Variants in AGBL4 observed in about 807,000 individuals in gnomAD.
AGBL4 encodes cytosolic carboxypeptidase 6.
Under a neutral mutation model 66.4 loss-of-function variants are expected in AGBL4, and 58 were observed. The observed-to-expected ratio is 0.87, with a 90% CI of 0.71 to 1.09. The LOEUF (loss-of-function observed/expected upper bound fraction) is 1.09. AGBL4 is among the 50% of genes least tolerant of loss of function. The probability of loss-of-function intolerance (pLI) is 0.00; values close to 1 mark genes in which losing one functional copy is unlikely to be tolerated. For missense variants in AGBL4, 579 were observed against 631.0 expected (o/e 0.92, Z 0.88); for synonymous variants, 234 against 222.9 (o/e 1.05, Z -0.44).
chr1:48,528,905 C>T (rs1178179360), downstream of AGBL4, among the ~76,000 whole-genome samples: 1 of 151,898 alleles, frequency 6.6e-6, no homozygotes, highest in African/African-American at 2.4e-5. Flanking sequence ...ATCTATTTCC[C>T]CCTTCTCTTT....
intron 1 of AGBL4, among the ~76,000 whole-genome samples, chr1:49,989,659 G>T (rs1659778660): frequency 6.6e-6 from 1 of 152,112 alleles, no homozygotes; most frequent in Admixed American, 6.6e-5. Flanking sequence ...ATTCTCCTTT[G>T]TTTTAAATCA....
At chr1:48,555,864 G>C (rs1197878579) in intron 11 of AGBL4, among the ~76,000 whole-genome samples, 2 of 152,158 alleles carry the variant, frequency 1.3e-5, no homozygotes, top group Non-Finnish European at 2.9e-5. Flanking sequence ...GCTGGCAGAG[G>C]TGACTGGACT....
intron 1 of AGBL4, among the ~76,000 whole-genome samples, chr1:49,862,859 T>C (rs1475052903): frequency 6.6e-6 from 1 of 152,094 alleles, no homozygotes; most frequent in African/African-American, 2.4e-5. Context: ...AAAGCTGAGG[T>C]ATTTCATCAA....
chr1:49,858,580 G>A (rs972597527), intron 1 of AGBL4, among the ~76,000 whole-genome samples: 2 of 151,950 alleles, frequency 1.3e-5, no homozygotes, highest in Admixed American at 6.6e-5. Context: ...GAGCTCGAGA[G>A]GCTATATTAA....
At chr1:49,201,654 C>CA (rs1352228056) in intron 4 of AGBL4, among the ~76,000 whole-genome samples, 1 of 152,012 alleles carries the variant, frequency 6.6e-6, no homozygotes, top group African/African-American at 2.4e-5. Flanking sequence ...CTTTAAAAAA[C>CA]AAAAATTAAA....
chr1:49,805,991 T>C (rs1327547810), intron 2 of AGBL4, among the ~76,000 whole-genome samples: 1 of 152,222 alleles, frequency 6.6e-6, no homozygotes, highest in Non-Finnish European at 1.5e-5. Flanking sequence ...ATGTTTGTAC[T>C]GATAATCAGG....
At chr1:49,223,237 A>G (rs1015249450) in intron 4 of AGBL4, among the ~76,000 whole-genome samples, 5 of 152,194 alleles carry the variant, frequency 3.3e-5, no homozygotes, top group African/African-American at 1.2e-4. Context: ...AAATACCAAG[A>G]TGGTAAGAGA....
At chr1:49,622,822 C>T (rs1446192123) in intron 3 of AGBL4, among the ~76,000 whole-genome samples, 1 of 152,060 alleles carries the variant, frequency 6.6e-6, no homozygotes, top group Non-Finnish European at 1.5e-5. Context: ...ATATTTTGTG[C>T]TTCATTCCCT....
intron 6 of AGBL4, among the ~76,000 whole-genome samples, chr1:48,731,082 T>C (rs1349055035): frequency 6.6e-6 from 1 of 152,156 alleles, no homozygotes; most frequent in Non-Finnish European, 1.5e-5. Flanking sequence ...GGCTTTTCTA[T>C]TTTTTTATAT....
chr1:49,020,797 G>A (rs1334621562), intron 5 of AGBL4, among the ~76,000 whole-genome samples: 2 of 152,140 alleles, frequency 1.3e-5, no homozygotes, highest in East Asian at 1.9e-4. Flanking sequence ...CTCTGTGCCT[G>A]TAGGATGTAA....
chr1:48,557,199 T>A (rs1644334197), intron 11 of AGBL4, among the ~76,000 whole-genome samples: 1 of 152,192 alleles, frequency 6.6e-6, no homozygotes, highest in South Asian at 2.1e-4. Context: ...ACATCAGGTG[T>A]TCAGTTAAAT....
intron 3 of AGBL4, among the ~76,000 whole-genome samples, chr1:49,504,994 T>C (rs1350490070): frequency 6.6e-6 from 1 of 152,024 alleles, no homozygotes; most frequent in Non-Finnish European, 1.5e-5. Context: ...TCTTTGCTTT[T>C]TTATCTTTTG....
chr1:49,401,567 T>C (rs1295790609), intron 3 of AGBL4, among the ~76,000 whole-genome samples: 1 of 152,200 alleles, frequency 6.6e-6, no homozygotes, highest in African/African-American at 2.4e-5. Context: ...TTTAAATGTT[T>C]TGTCGAATTT....
chr1:49,835,475 GAGACGGGT>G (rs1645822392), intron 2 of AGBL4, among the ~76,000 whole-genome samples: 1 of 152,070 alleles, frequency 6.6e-6, no homozygotes, highest in African/African-American at 2.4e-5. Flanking sequence ...CTTTGCATGT[GAGACGGGT>G]CTCCTGAATA....
At chr1:49,382,094 T>G (rs945585113) in intron 3 of AGBL4, among the ~76,000 whole-genome samples, 6 of 152,134 alleles carry the variant, frequency 3.9e-5, no homozygotes, top group Admixed American at 3.3e-4. Flanking sequence ...ACATGAACAT[T>G]TCTAGTATGG....
intron 3 of AGBL4, among the ~76,000 whole-genome samples, chr1:49,440,763 C>T (rs951969192): frequency 3.9e-5 from 6 of 152,100 alleles, no homozygotes; most frequent in East Asian, 1.9e-4. Flanking sequence ...GAAAGGTGCA[C>T]GTACAGCCTC....
intron 6 of AGBL4, among the ~76,000 whole-genome samples, chr1:48,691,523 A>G (rs1421473343): frequency 6.6e-6 from 1 of 152,162 alleles, no homozygotes; most frequent in African/African-American, 2.4e-5. Flanking sequence ...GAGCGTTAAG[A>G]ATGAGAATGT....
chr1:49,879,954 G>A (rs1372100995), intron 1 of AGBL4, among the ~76,000 whole-genome samples: 2 of 144,992 alleles, frequency 1.4e-5, no homozygotes, highest in East Asian at 2.0e-4. Context: ...TGATCGCATC[G>A]GCTCCTGAGG....
At chr1:49,008,982 G>C (rs1662121562) in intron 5 of AGBL4, among the ~76,000 whole-genome samples, 1 of 149,990 alleles carries the variant, frequency 6.7e-6, no homozygotes, top group Admixed American at 6.6e-5. Flanking sequence ...AAAAGCAAGA[G>C]CAAACACATT....
Sources: gnomAD v4.1 joint callset for allele counts (sites outside exome capture counted in the v4.1 genomes callset) on GRCh38, gnomAD v4.1.1 for gene constraint, MANE v1.5 for transcripts, NCBI Gene and HGNC (gene_info 2026-07-23, HGNC 2026-07-21) for gene names.